The following WHRN variants were observed in gnomAD, a reference collection of about 807,000 sequenced individuals.
WHRN encodes the protein CASK-interacting protein CIP98.
WHRN carries 41 observed loss-of-function variants against 68.3 expected under a neutral mutation model. The observed-to-expected ratio is 0.60, with a 90% CI of 0.47 to 0.78. The LOEUF (loss-of-function observed/expected upper bound fraction) is 0.78. Ranked by LOEUF, WHRN falls within the 30% of genes least tolerant of loss-of-function variation. WHRN has a pLI of 0.00. For synonymous variants in WHRN, 560 were observed against 561.3 expected, an observed-to-expected ratio of 1.00 and a Z score of 0.03; for missense variants, 1,243 against 1,244.7, an observed-to-expected ratio of 1.00 and a Z score of 0.02.
Position 114,484,170 on chromosome 9 carries a change from C to T in WHRN, c.619-5399G>A, listed in dbSNP as rs1004782006. Among the ~76,000 whole-genome samples, 33 of 152,228 alleles carry T rather than the reference C, an allele frequency of 2.2e-4. 1 individual carries two copies. Among genetic ancestry groups the T allele is most frequent in the African/African-American group, 8.0e-4 (33 of 41,464 alleles). The stretch of plus-strand genomic sequence containing the variant: ...CACCCCAACTCGGCACTATCAGCAG[C>T]AGCAGGAGATTTTGACAGGACTTGA... On this transcript the variant is annotated intron_variant, in intron 1 of 11. Coordinates refer to ENST00000362057, the MANE Select transcript of WHRN (RefSeq NM_015404.4).
chr9:114,489,520 A>G (rs62555206), intron 1 of WHRN, among the ~76,000 whole-genome samples: 1 of 7,146 alleles, frequency 1.4e-4, no homozygotes, highest in Non-Finnish European at 8.3e-3. Flanking sequence ...ACGCGTGCAC[A>G]CACACACACA....
Position 114,466,272 on chromosome 9 carries a change from G to A in WHRN, c.958C>T (p.Leu320Phe), listed in dbSNP as rs780855079. The A allele has an allele frequency of 4.6e-5, 75 of 1,613,862 alleles. No homozygotes were observed. The highest frequency in any genetic ancestry group is 5.9e-5 in the Non-Finnish European group (70 of 1,180,034). The change falls in exon 3 of 12, where the codon CTC becomes TTC. Residue 320 changes from leucine (L) to phenylalanine (F), a missense_variant. Coordinates refer to ENST00000362057, the MANE Select transcript of WHRN (RefSeq NM_015404.4). ...TCCCTCAGGCCCTCCCTCACCTTGA[G>A]CCCGCTGCCTTCTGCTTCAGAGCCT... ...DPGSEAEGSG[L>F]KVGDQILEVN... is the part of the protein sequence containing the mutation.
intron 1 of WHRN, among the ~76,000 whole-genome samples, chr9:114,498,134 G>A (rs549439447): frequency 6.6e-6 from 1 of 152,204 alleles, no homozygotes; most frequent in African/African-American, 2.4e-5. Flanking sequence ...CCATTCATTC[G>A]GCAAATATTT....
At chr9:114,468,294 CAT>C in intron 2 of WHRN, among the ~76,000 whole-genome samples, 1 of 152,308 alleles carries the variant, frequency 6.6e-6, no homozygotes, top group Non-Finnish European at 1.5e-5. Flanking sequence ...CTGTTGCACA[CAT>C]GACAAGTCTT....
intron 3 of WHRN, among the ~76,000 whole-genome samples, chr9:114,441,382 C>T (rs1838359473): frequency 6.6e-6 from 1 of 152,170 alleles, no homozygotes; most frequent in African/African-American, 2.4e-5. Flanking sequence ...TATTTCCTAG[C>T]TTTGTCCACT....
intron 7 of WHRN, among the ~76,000 whole-genome samples, chr9:114,411,162 A>G (rs1408610145): frequency 6.6e-6 from 1 of 152,170 alleles, no homozygotes; most frequent in Non-Finnish European, 1.5e-5. Context: ...GTCCTGGCCC[A>G]TATGACAACT....
At chr9:114,425,588 CACA>C in intron 4 of WHRN, 1 of 172,624 alleles carries the variant, frequency 5.8e-6, no homozygotes, top group East Asian at 1.3e-4. Flanking sequence ...AAGGGGGAGA[CACA>C]CACACACACA....
rs552612203 is a variant in WHRN, at chr9:114,505,242, C to T, written c.-441G>A. The T allele has an allele frequency of 1.2e-4, 19 of 162,426 alleles. No individual in the cohort carries two copies. The South Asian group carries it at 3.6e-3, about 31-fold the overall frequency. 10.1% of individuals were successfully genotyped at this position (162,426 alleles called of 1,614,324 possible). On this transcript the variant is annotated 5_prime_UTR_variant, in exon 1 of 12. Transcript: ENST00000362057. ...CCCGGGGCTCCCCCAGCCGGGCGCCCGTTCCTCTAGGGCTGGGGGACCCCA... is the reference window on the plus strand; with the variant it reads ...CCCGGGGCTCCCCCAGCCGGGCGCCTGTTCCTCTAGGGCTGGGGGACCCCA...
intron 1 of WHRN, among the ~76,000 whole-genome samples, chr9:114,480,382 A>G (rs987287863): frequency 9.9e-5 from 15 of 152,146 alleles, no homozygotes; most frequent in South Asian, 4.1e-4. Flanking sequence ...CCTATCCTCA[A>G]TGTGATGGTA....
chr9:114,406,617 G>T lies in WHRN; in HGVS notation c.1974C>A (p.Asn658Lys), dbSNP rs750507868. 20 of 1,611,308 alleles carry T rather than the reference G, an allele frequency of 1.2e-5. No homozygotes were observed. In the South Asian group the frequency reaches 2.0e-4, roughly 16 times the overall value. Residue 658 changes from asparagine (N) to lysine (K), a missense_variant, in exon 9 of 12, where the codon AAC (asparagine) becomes AAA (lysine). Transcript: ENST00000362057. Reference sequence around the variant, plus strand: ...CGTCCAGCGGCCTCTTGGAGCTGGGGTTGGCAGGGGAGACGGAGGCATAGA... The same window carrying T: ...CGTCCAGCGGCCTCTTGGAGCTGGGTTTGGCAGGGGAGACGGAGGCATAGA... The part of the protein sequence containing the change: ...SPIYASVSPA[N>K]PSSKRPLDAH...
chr9:114,412,381 TC>T (rs1431704691), intron 7 of WHRN, among the ~76,000 whole-genome samples: 1 of 151,840 alleles, frequency 6.6e-6, no homozygotes, highest in African/African-American at 2.4e-5. Flanking sequence ...CTGGGCCCCC[TC>T]CCCCTGTACC....
rs576535111 is a variant in WHRN at position 114,503,009 on chromosome 9, A to G, written c.618+1175T>C. Reference sequence around the variant, plus strand: ...CCAGAAGCTACAAAGAAGTTTCTGAAAGCCTCAAGGGCTTCCTCCAAAGGG... The same window carrying G: ...CCAGAAGCTACAAAGAAGTTTCTGAGAGCCTCAAGGGCTTCCTCCAAAGGG... On this transcript the variant is annotated intron_variant, in intron 1 of 11. Coordinates refer to ENST00000362057, the MANE Select transcript of WHRN (RefSeq NM_015404.4). 2.9e-4 allele frequency: 147 copies of G among 501,350 alleles called. 1 individual carries two copies. Among genetic ancestry groups the G allele is most frequent in the African/African-American group, 2.8e-3 (137 of 48,310 alleles). The allele number at this position is 501,350 out of a possible 1,614,324, so 31.1% of individuals were successfully genotyped here.
chr9:114,462,064 G>T (rs556666487), intron 3 of WHRN, among the ~76,000 whole-genome samples: 1 of 152,160 alleles, frequency 6.6e-6, no homozygotes, highest in Non-Finnish European at 1.5e-5. Flanking sequence ...ACAAAAGAGG[G>T]ATCTATCAGC....
At chr9:114,412,790 C>A (rs1004934937) in intron 7 of WHRN, among the ~76,000 whole-genome samples, 2 of 152,164 alleles carry the variant, frequency 1.3e-5, no homozygotes, top group Non-Finnish European at 2.9e-5. Context: ...GCAACCTTTG[C>A]GGGGTGGACT....
At chr9:114,455,713 C>CAAAAAAAAAAAAAAAAAAAAAAAAAAA (rs34546424) in intron 3 of WHRN, among the ~76,000 whole-genome samples, 1 of 123,342 alleles carries the variant, frequency 8.1e-6, no homozygotes, top group Non-Finnish European at 1.7e-5. Context: ...GACCCTGTCT[C>CAAAAAAAAAAAAAAAAAAAAAAAAAAA]AAAAAAAAAA....
At chr9:114,471,989 C>T (rs1201129653) in intron 2 of WHRN, among the ~76,000 whole-genome samples, 3 of 152,202 alleles carry the variant, frequency 2.0e-5, no homozygotes, top group Admixed American at 1.3e-4. Flanking sequence ...GAGACTCACT[C>T]CCTAGCAAAC....
chr9:114,417,125 T>A (rs968434535), intron 7 of WHRN, among the ~76,000 whole-genome samples: 2 of 152,246 alleles, frequency 1.3e-5, no homozygotes, highest in African/African-American at 4.8e-5. Context: ...GCTGGCTCTC[T>A]GTTAGACAAA....
At chr9:114,475,907 T>C (rs531548338) in intron 2 of WHRN, among the ~76,000 whole-genome samples, 3 of 152,278 alleles carry the variant, frequency 2.0e-5, no homozygotes, top group African/African-American at 7.2e-5. Flanking sequence ...TCAGGGTGTC[T>C]CCTGCCTCCT....
At chr9:114,434,782 A>G (rs974580473) in intron 3 of WHRN, among the ~76,000 whole-genome samples, 11 of 152,112 alleles carry the variant, frequency 7.2e-5, no homozygotes, top group African/African-American at 2.4e-4. Context: ...AGACAGATTC[A>G]TTTAAACTGC....
Sources: allele counts gnomAD v4.1 joint callset (sites outside exome capture counted in the v4.1 genomes callset), GRCh38; gene constraint gnomAD v4.1.1; transcripts MANE v1.5; gene names NCBI Gene and HGNC (gene_info 2026-07-23, HGNC 2026-07-21).